NPAS3: variants seen among roughly 807,000 people sequenced by gnomAD.
NPAS3 encodes neuronal PAS domain protein 3.
NPAS3 carries 14 observed loss-of-function variants against 73.1 expected under a neutral mutation model. The observed-to-expected ratio is 0.19, with a 90% CI of 0.13 to 0.30. The LOEUF (loss-of-function observed/expected upper bound fraction) is 0.30, where lower values mean the gene tolerates loss of function less well. Among genes scored for constraint, NPAS3 ranks in the 10% least tolerant of loss-of-function variants. The pLI, the probability that NPAS3 is intolerant of heterozygous loss-of-function variation, is 1.00. For synonymous variants in NPAS3, 620 were observed against 541.5 expected, an observed-to-expected ratio of 1.14 and a Z score of -2.01; for missense variants, 1,096 against 1,250.0, an observed-to-expected ratio of 0.88 and a Z score of 1.86.
intron 2 of NPAS3, among the ~76,000 whole-genome samples, chr14:33,072,538 G>C (rs2041521740): frequency 6.6e-6 from 1 of 152,086 alleles, no homozygotes; most frequent in Non-Finnish European, 1.5e-5. Flanking sequence ...TACTGTCCTT[G>C]CCTCTTTCCC....
chr14:33,211,744 A>C (rs1594406666), intron 2 of NPAS3, among the ~76,000 whole-genome samples: 3 of 152,236 alleles, frequency 2.0e-5, no homozygotes, highest in Admixed American at 2.0e-4. Context: ...GAAATTATTG[A>C]CGTTGTTTTT....
intron 2 of NPAS3, among the ~76,000 whole-genome samples, chr14:33,075,793 T>C (rs902178955): frequency 1.3e-5 from 2 of 152,228 alleles, no homozygotes; most frequent in African/African-American, 4.8e-5. Flanking sequence ...TTCAGTAAAC[T>C]GTATTTTCTG....
intron 6 of NPAS3, among the ~76,000 whole-genome samples, chr14:33,692,370 C>T (rs2060257823): frequency 6.6e-6 from 1 of 151,942 alleles, no homozygotes. Context: ...TAAGATTTAC[C>T]CTGAGCTTGA....
chr14:33,018,936 TA>T (rs74420397), intron 1 of NPAS3, among the ~76,000 whole-genome samples: 28,932 of 147,898 alleles, frequency 0.2, 3,137 homozygotes, highest in African/African-American at 0.3. Context: ...TGCAAATTTA[TA>T]AAAAAAAAAA....
chr14:33,011,305 CCTAT>C (rs1316565147), intron 1 of NPAS3, among the ~76,000 whole-genome samples: 1 of 152,194 alleles, frequency 6.6e-6, no homozygotes, highest in African/African-American at 2.4e-5. Flanking sequence ...GTGGCCAGAG[CCTAT>C]CCTGGCAGCT....
At chr14:33,528,038 G>T (rs1488350762) in intron 4 of NPAS3, among the ~76,000 whole-genome samples, 1 of 151,990 alleles carries the variant, frequency 6.6e-6, no homozygotes, top group East Asian at 1.9e-4. Flanking sequence ...TAATTTCTGT[G>T]TTCTCTAAAT....
chr14:33,676,404 G>A lies in NPAS3; in HGVS notation c.733+19G>A, dbSNP rs1263452710. ...GAGCCAGGTGGGAATTGCAAACCCAGTGTGTGGGTTGGTGGGCAGGACCTT... is the reference window on the plus strand; with the variant it reads ...GAGCCAGGTGGGAATTGCAAACCCAATGTGTGGGTTGGTGGGCAGGACCTT... On this transcript the variant is annotated intron_variant, in intron 6 of 11. Transcript: ENST00000356141. 3.9e-6 allele frequency: 6 copies of A among 1,542,066 alleles called. No individual in the cohort carries two copies. The African/African-American group carries it at 8.3e-5, about 21-fold the overall frequency.
chr14:33,362,713 C>T (rs1388548786), intron 3 of NPAS3, among the ~76,000 whole-genome samples: 1 of 152,036 alleles, frequency 6.6e-6, no homozygotes, highest in Non-Finnish European at 1.5e-5. Flanking sequence ...TTTTGCCAGG[C>T]GTTCCTGAGA....
intron 2 of NPAS3, among the ~76,000 whole-genome samples, chr14:33,124,755 T>G (rs997472554): frequency 6.6e-6 from 1 of 152,134 alleles, no homozygotes; most frequent in Non-Finnish European, 1.5e-5. Context: ...CAAGACACTG[T>G]CTTTTAAGCA....
intron 5 of NPAS3, among the ~76,000 whole-genome samples, chr14:33,607,414 A>G (rs1256644737): frequency 6.6e-6 from 1 of 152,210 alleles, no homozygotes; most frequent in African/African-American, 2.4e-5. Context: ...AACCAAAAAA[A>G]AAAAAAGAGT....
intron 1 of NPAS3, among the ~76,000 whole-genome samples, chr14:32,964,807 C>G (rs1187674195): frequency 7.7e-6 from 1 of 129,500 alleles, no homozygotes; most frequent in African/African-American, 2.6e-5. Context: ...AGACCCCTGT[C>G]TCTACAAAAA....
intron 5 of NPAS3, among the ~76,000 whole-genome samples, chr14:33,636,348 C>T (rs535437826): frequency 4.6e-5 from 7 of 152,342 alleles, no homozygotes; most frequent in African/African-American, 1.7e-4. Context: ...ATTAAAGGCT[C>T]ACGCTAGCAT....
intron 5 of NPAS3, among the ~76,000 whole-genome samples, chr14:33,660,131 G>T (rs1263650131): frequency 1.3e-5 from 2 of 152,102 alleles, no homozygotes; most frequent in Non-Finnish European, 2.9e-5. Flanking sequence ...AGGCAGAAAT[G>T]AATACCTGGG....
intron 3 of NPAS3, among the ~76,000 whole-genome samples, chr14:33,298,188 C>A (rs2042382487): frequency 6.6e-6 from 1 of 152,108 alleles, no homozygotes; most frequent in Admixed American, 6.6e-5. Flanking sequence ...GAGGCTGAGA[C>A]AGGAGAATGG....
At chr14:33,606,548 G>GA (rs149823402) in intron 5 of NPAS3, among the ~76,000 whole-genome samples, 17,041 of 151,906 alleles carry the variant, frequency 0.11, 1,152 homozygotes, top group Admixed American at 0.24. Context: ...TTCATATGCA[G>GA]AAAAAAACCC....
At chr14:33,029,551 T>C (rs1361765847) in intron 1 of NPAS3, among the ~76,000 whole-genome samples, 2 of 152,164 alleles carry the variant, frequency 1.3e-5, no homozygotes, top group Non-Finnish European at 2.9e-5. Flanking sequence ...TGATGTATTA[T>C]TCATTATTTA....
intron 10 of NPAS3, among the ~76,000 whole-genome samples, chr14:33,795,149 G>A (rs2063475327): frequency 6.6e-6 from 1 of 152,218 alleles, no homozygotes; most frequent in Admixed American, 6.5e-5. Context: ...TTGAAGGCAT[G>A]AATGTGCTTG....
At chr14:33,731,706 G>A (rs1028624663) in intron 6 of NPAS3, among the ~76,000 whole-genome samples, 1 of 152,094 alleles carries the variant, frequency 6.6e-6, no homozygotes, top group African/African-American at 2.4e-5. Flanking sequence ...TCACATTATG[G>A]TGGCATTTGC....
chr14:33,546,742 G>A (rs1472913827), intron 4 of NPAS3, among the ~76,000 whole-genome samples: 5 of 152,192 alleles, frequency 3.3e-5, no homozygotes, highest in African/African-American at 1.2e-4. Context: ...CATTGCCTGT[G>A]AGGATACGTT....
Sources: gnomAD v4.1 joint callset for allele counts (sites outside exome capture counted in the v4.1 genomes callset) on GRCh38, gnomAD v4.1.1 for gene constraint, MANE v1.5 for transcripts, NCBI Gene and HGNC (gene_info 2026-07-23, HGNC 2026-07-21) for gene names.